CUX2: variants seen among roughly 807,000 people sequenced by gnomAD.
CUX2 encodes cut like homeobox 2.
A neutral mutation model predicts 144.8 loss-of-function variants in CUX2; 40 were observed. That is an observed-to-expected ratio of 0.28 (90% CI 0.21 to 0.36). The LOEUF (loss-of-function observed/expected upper bound fraction) is 0.36. Ranked by LOEUF, CUX2 falls within the 10% of genes least tolerant of loss-of-function variation. The pLI, the probability that CUX2 is intolerant of heterozygous loss-of-function variation, is 1.00. For synonymous variants in CUX2, 827 were observed against 875.6 expected (o/e 0.94, Z 0.98); for missense variants, 1,615 against 1,994.0 (o/e 0.81, Z 3.62).
chr12:111,189,298 C>T (rs537874610), intron 1 of CUX2, among the ~76,000 whole-genome samples: 1 of 152,228 alleles, frequency 6.6e-6, no homozygotes, highest in African/African-American at 2.4e-5. Context: ...CAGAACATTC[C>T]CTGCTACCCA....
At chr12:111,155,580 G>A (rs1453845108) in intron 1 of CUX2, among the ~76,000 whole-genome samples, 1 of 152,076 alleles carries the variant, frequency 6.6e-6, no homozygotes, top group African/African-American at 2.4e-5. Flanking sequence ...CTTCTCCCAG[G>A]GTGATGAGGT....
intron 16 of CUX2, among the ~76,000 whole-genome samples, chr12:111,314,945 C>T (rs1230030697): frequency 6.6e-6 from 1 of 152,160 alleles, no homozygotes; most frequent in Non-Finnish European, 1.5e-5. Flanking sequence ...TACACAGAGA[C>T]AGAGGGAAAC....
chr12:111,281,996 A>G (rs1353107211), intron 4 of CUX2, among the ~76,000 whole-genome samples: 1 of 152,114 alleles, frequency 6.6e-6, no homozygotes, highest in Admixed American at 6.6e-5. Context: ...GTTTCAGAGC[A>G]AGGTGTATTG....
At chr12:111,253,354 C>G (rs533895027) in intron 3 of CUX2, among the ~76,000 whole-genome samples, 1 of 151,660 alleles carries the variant, frequency 6.6e-6, no homozygotes, top group African/African-American at 2.4e-5. Flanking sequence ...TACCATCTCC[C>G]GCCACACCAG....
chr12:111,310,313 T>A lies in CUX2; in HGVS notation c.1531T>A (p.Phe511Ile). The A allele has an allele frequency of 6.6e-7, 1 of 1,505,486 alleles. No individual in the cohort carries two copies. 93.3% of individuals were successfully genotyped at this position (1,505,486 alleles called of 1,614,324 possible). Residue 511 changes from phenylalanine to isoleucine, a missense_variant, in exon 15 of 22, where the codon TTC (phenylalanine) becomes ATC (isoleucine). By Grantham distance (21) the Phe-to-Ile change is conservative. Around this residue, in one of 12 missense-constraint regions of CUX2, gnomAD observed 154 missense variants for 148.4 expected, o/e 1.04. Coordinates refer to ENST00000261726, the MANE Select transcript of CUX2 (RefSeq NM_015267.4). This position sits in a 1 kb window ranked among gnomAD's most constrained non-coding sequence, Gnocchi z 7.9. ...CGGCCTGCTGGTGTTCCCCCCAGCC[T>A]TCTATGGCGCCAAGCCCCCCACAGC... The part of the protein sequence containing the change: ...AGGLLVFPPA[F>I]YGAKPPTAPA...
At chr12:111,158,619 A>G (rs751284870) in intron 1 of CUX2, among the ~76,000 whole-genome samples, 2 of 152,150 alleles carry the variant, frequency 1.3e-5, no homozygotes, top group South Asian at 2.1e-4. Flanking sequence ...GAGCATCTGC[A>G]TGAAGATGGG....
At chr12:111,074,575 G>C (rs1055776991) in intron 1 of CUX2, among the ~76,000 whole-genome samples, 9 of 151,996 alleles carry the variant, frequency 5.9e-5, no homozygotes, top group Non-Finnish European at 1.2e-4. Flanking sequence ...GGGCTGAGGG[G>C]GTGCCCCTAC....
intron 1 of CUX2, among the ~76,000 whole-genome samples, chr12:111,106,399 C>T (rs748303665): frequency 2.2e-4 from 33 of 152,174 alleles, no homozygotes; most frequent in East Asian, 1.9e-4. Flanking sequence ...TTAAGCAATT[C>T]ACCCACCTTG....
At chr12:111,253,362 C>T (rs1376097625) in intron 3 of CUX2, among the ~76,000 whole-genome samples, 1 of 151,838 alleles carries the variant, frequency 6.6e-6, no homozygotes, top group Admixed American at 6.6e-5. Flanking sequence ...CCCGCCACAC[C>T]AGCCTCTCTG....
intron 1 of CUX2, among the ~76,000 whole-genome samples, chr12:111,197,084 A>G (rs1183541385): frequency 6.6e-6 from 1 of 152,196 alleles, no homozygotes; most frequent in Non-Finnish European, 1.5e-5. Context: ...AGGAGGACCC[A>G]GGTGCAAATC....
At position 111,293,538 on chromosome 12, in the gene CUX2, T is replaced by C; in HGVS notation, c.529T>C (p.Leu177=). 1 of 1,595,654 alleles carries C rather than the reference T, an allele frequency of 6.3e-7. No individual in the cohort carries two copies. Among genetic ancestry groups the C allele is most frequent in the Non-Finnish European group, 8.5e-7 (1 of 1,173,012 alleles). ...IPGKALLTET[L]LQRNEAEKQK... is the part of the protein sequence containing the mutation. ...CGGGAAAGCCCTCCTGACAGAAACC[T>C]TGCTGCAGAGAAATGAGGCGGAAAA... Residue 177 remains leucine (L), a synonymous_variant, in exon 6 of 22, where the codon TTG becomes CTG. Coordinates refer to ENST00000261726, the MANE Select transcript of CUX2 (RefSeq NM_015267.4). The surrounding 1 kb of genome is among the most constrained non-coding windows in gnomAD (Gnocchi z 4.5).
rs151252112 is a variant in CUX2, at chr12:111,120,259, G to A, written c.63+86019G>A. 3.7e-4 allele frequency among the ~76,000 whole-genome samples: 56 copies of A among 152,172 alleles called. No individual in the cohort carries two copies. The East Asian group carries it at 8.5e-3, about 23-fold the overall frequency. On this transcript the variant is annotated intron_variant, in intron 1 of 21. Coordinates refer to ENST00000261726, the MANE Select transcript of CUX2 (RefSeq NM_015267.4). The stretch of plus-strand genomic sequence containing the variant: ...TGGTGTTGTGCCCGGGGTACAACAC[G>A]TAGTAGGTGTTCGATAAACTTGGGT...
Position 111,320,410 on chromosome 12 carries a change from G to A in CUX2, c.2401G>A (p.Ala801Thr), listed in dbSNP as rs1160982706. ...SDRGLLSRPY[A>T]SVSPSLSSSS... Reference sequence around the variant, plus strand: ...CCGCGGCCTGCTCAGCCGCCCCTACGCCTCCGTGTCGCCCTCGCTGTCCTC... The same window carrying A: ...CCGCGGCCTGCTCAGCCGCCCCTACACCTCCGTGTCGCCCTCGCTGTCCTC... Residue 801 changes from alanine (A) to threonine (T), a missense_variant, in exon 17 of 22, where the codon GCC becomes ACC. Physicochemically the swap from Ala to Thr is moderately conservative, Grantham distance 58 (BLOSUM62 0). Coordinates refer to ENST00000261726, the MANE Select transcript of CUX2 (RefSeq NM_015267.4). This position sits in a 1 kb window ranked among gnomAD's most constrained non-coding sequence, Gnocchi z 8.1. The A allele has an allele frequency of 6.3e-7, 1 of 1,597,786 alleles. No individual in the cohort carries two copies. The highest frequency in any genetic ancestry group is 1.1e-5 in the South Asian group (1 of 91,056).
chr12:111,291,429 G>C lies in CUX2; in HGVS notation c.313G>C (p.Val105Leu). The change falls in exon 5 of 22, where the codon GTG (valine) becomes CTG (leucine). Residue 105 changes from valine (V) to leucine (L), a missense_variant. By Grantham distance (32) the Val-to-Leu change is conservative. This residue lies in a region of CUX2 where 295 missense variants were observed against 400.2 expected (regional missense o/e 0.74). Coordinates refer to ENST00000261726, the MANE Select transcript of CUX2 (RefSeq NM_015267.4). ...QLIEAPDPVPVFEAARSLDDR... is the reference protein window; with the variant it reads ...QLIEAPDPVPLFEAARSLDDR... ...CTCTCCCTGCACAGACCCCGTGCCT[G>C]TGTTTGAGGCGGCACGCAGCCTAGA... The C allele has an allele frequency of 3.7e-6, 6 of 1,610,460 alleles. No individual in the cohort carries two copies. The highest frequency in any genetic ancestry group is 5.1e-6 in the Non-Finnish European group (6 of 1,178,414).
intron 1 of CUX2, among the ~76,000 whole-genome samples, chr12:111,135,225 G>T (rs1875789971): frequency 6.6e-6 from 1 of 151,974 alleles, no homozygotes; most frequent in South Asian, 2.1e-4. Flanking sequence ...AAAGAATGGG[G>T]TGCAGGGGAG....
chr12:111,186,280 GTACT>G lies in CUX2; in HGVS notation c.64-27919_64-27916del, dbSNP rs2136188149. The stretch of plus-strand genomic sequence containing the variant: ...GGTGACACTTATGGGGACCAGCTGT[GTACT>G]GAGCCAGGTGCTGGGAATAGGAGGC... On this transcript the variant is annotated intron_variant, in intron 1 of 21. Coordinates refer to ENST00000261726, the MANE Select transcript of CUX2 (RefSeq NM_015267.4). The surrounding 1 kb of genome is among the most constrained non-coding windows in gnomAD (Gnocchi z 4.4). 6.6e-6 allele frequency among the ~76,000 whole-genome samples: 1 copy of G among 152,262 alleles called. No individual in the cohort carries two copies. The highest frequency in any genetic ancestry group is 1.5e-5 in the Non-Finnish European group (1 of 68,028).
At chr12:111,189,493 G>C (rs1384201491) in intron 1 of CUX2, among the ~76,000 whole-genome samples, 1 of 152,234 alleles carries the variant, frequency 6.6e-6, no homozygotes, top group Admixed American at 6.5e-5. Flanking sequence ...GCATTTGTAA[G>C]ATTTATCAAT....
chr12:111,223,404 A>T (rs967253734), intron 3 of CUX2, among the ~76,000 whole-genome samples: 2 of 152,104 alleles, frequency 1.3e-5, no homozygotes, highest in Non-Finnish European at 2.9e-5. Flanking sequence ...TCTCCATCCC[A>T]TGCACATCTG....
In CUX2 at chr12:111,192,195, C is replaced by T. The variant is rs112808000; in HGVS notation, c.64-22005C>T. Among the ~76,000 whole-genome samples the T allele has an allele frequency of 9.6e-3, 1,454 of 151,104 alleles. 38 individuals are homozygous for T. Among genetic ancestry groups the T allele is most frequent in the African/African-American group, 0.034 (1,397 of 41,022 alleles). On this transcript the variant is annotated intron_variant, in intron 1 of 21. Transcript: ENST00000261726. ...AGGTTGGAGTGCAGTGGTGTGATCTCGGCTTACTACAACCTCTGCCTTCTG... is the reference window on the plus strand; with the variant it reads ...AGGTTGGAGTGCAGTGGTGTGATCTTGGCTTACTACAACCTCTGCCTTCTG...
Sources: allele counts gnomAD v4.1 joint callset (sites outside exome capture counted in the v4.1 genomes callset), GRCh38; gene constraint gnomAD v4.1.1; regional missense constraint gnomAD v4.1.1; non-coding constraint Gnocchi (gnomAD v3.1); transcripts MANE v1.5; gene names NCBI Gene and HGNC (gene_info 2026-07-23, HGNC 2026-07-21).